GABRB2: variants seen among roughly 807,000 people sequenced by gnomAD.
GABRB2 encodes gamma-aminobutyric acid receptor subunit beta-2.
Under a neutral mutation model 54.7 loss-of-function variants are expected in GABRB2, and 16 were observed. The ratio of observed to expected loss-of-function variants is 0.29; its 90% CI spans 0.20 to 0.44. The LOEUF (loss-of-function observed/expected upper bound fraction) is 0.44, where lower values mean the gene tolerates loss of function less well. Ranked by LOEUF, GABRB2 falls within the 20% of genes least tolerant of loss-of-function variation. The pLI is 1.00. For missense variants in GABRB2, 355 were observed against 644.0 expected (o/e 0.55, Z 4.86); for synonymous variants, 244 against 233.8 (o/e 1.04, Z -0.40).
At chr5:161,375,127 G>A (rs547240767) in intron 5 of GABRB2, among the ~76,000 whole-genome samples, 15 of 152,194 alleles carry the variant, frequency 9.9e-5, no homozygotes, top group African/African-American at 1.7e-4. Context: ...AGTCCTAGTC[G>A]TCTTCCAGGG....
chr5:161,336,491 T>TGTTGTTCTA, intron 6 of GABRB2, 141 bp downstream of exon 6: 1 of 987,504 alleles, frequency 1.0e-6, no homozygotes, highest in Non-Finnish European at 1.5e-6. Flanking sequence ...ACAATAGACT[T>TGTTGTTCTA]CATGGGAAAC....
At position 161,321,452 on chromosome 5, in the gene GABRB2, T is replaced by C. The variant is rs374382180; in HGVS notation, c.1191+4916A>G. Among the ~76,000 whole-genome samples, 39 of 152,254 alleles carry C rather than the reference T, an allele frequency of 2.6e-4. No individual in the cohort carries two copies. The East Asian group carries it at 6.9e-3, about 27-fold the overall frequency. On this transcript the variant is annotated intron_variant, in intron 9 of 9. Transcript: ENST00000393959. ...TGTATAGCTTTAGTTCTACGTGTTA[T>C]CTTTAGTTCTAAATGCCAGTACACT...
chr5:161,322,327 C>A (rs946680642), intron 9 of GABRB2, among the ~76,000 whole-genome samples: 1 of 152,116 alleles, frequency 6.6e-6, no homozygotes, highest in African/African-American at 2.4e-5. Flanking sequence ...CCTCCACCTT[C>A]GAGGCTCAAA....
intron 4 of GABRB2, among the ~76,000 whole-genome samples, chr5:161,416,371 G>A (rs533264313): frequency 1.3e-5 from 2 of 151,996 alleles, no homozygotes; most frequent in South Asian, 4.2e-4. Flanking sequence ...ACATAACTTG[G>A]GCCTTTCAGT....
chr5:161,422,536 T>C (rs1426169594), intron 4 of GABRB2, among the ~76,000 whole-genome samples: 1 of 152,176 alleles, frequency 6.6e-6, no homozygotes, highest in Admixed American at 6.5e-5. Flanking sequence ...TAAAAAGGTT[T>C]ATTAAGTGTA....
At chr5:161,416,613 C>T (rs1253480246) in intron 4 of GABRB2, among the ~76,000 whole-genome samples, 1 of 145,150 alleles carries the variant, frequency 6.9e-6, no homozygotes, top group Non-Finnish European at 1.5e-5. Flanking sequence ...AGGAGAATGG[C>T]GTGAACCCGG....
chr5:161,409,049 A>G (rs1292258541), intron 5 of GABRB2, among the ~76,000 whole-genome samples: 1 of 152,120 alleles, frequency 6.6e-6, no homozygotes, highest in Non-Finnish European at 1.5e-5. Flanking sequence ...TGATTTGTTA[A>G]CAGTCTAAAT....
chr5:161,313,816 AGGGACAGTCTT>A (rs914639018), intron 9 of GABRB2, among the ~76,000 whole-genome samples: 1 of 152,212 alleles, frequency 6.6e-6, no homozygotes, highest in African/African-American at 2.4e-5. Context: ...ATAGTGATTA[AGGGACAGTCTT>A]GGGGCTTGGA....
intron 5 of GABRB2, among the ~76,000 whole-genome samples, chr5:161,400,533 G>T (rs187534728): frequency 6.6e-6 from 1 of 152,094 alleles, no homozygotes; most frequent in Non-Finnish European, 1.5e-5. Flanking sequence ...TGAAGGCAGG[G>T]GGAAAATTAG....
At chr5:161,355,468 A>G (rs1754592609) in intron 5 of GABRB2, among the ~76,000 whole-genome samples, 1 of 151,542 alleles carries the variant, frequency 6.6e-6, no homozygotes, top group South Asian at 2.1e-4. Context: ...CTATACACAT[A>G]CATATATGTA....
At chr5:161,406,180 C>G (rs1432267805) in intron 5 of GABRB2, among the ~76,000 whole-genome samples, 1 of 152,084 alleles carries the variant, frequency 6.6e-6, no homozygotes, top group African/African-American at 2.4e-5. Flanking sequence ...ACTGTTCTTT[C>G]ACTTAATCCA....
chr5:161,459,649 C>T lies in GABRB2; in HGVS notation c.433G>A (p.Asp145Asn). 2 of 1,614,138 alleles carry T rather than the reference C, an allele frequency of 1.2e-6. No homozygotes were observed. Among genetic ancestry groups the T allele is most frequent in the Non-Finnish European group, 1.7e-6 (2 of 1,179,996 alleles). The stretch of plus-strand genomic sequence containing the variant: ...CTGAGTCCATAAAGGACGGTGCCAT[C>T]AGGATGCAGGCGAATCATGCGGTTC... ...VKNRMIRLHPDGTVLYGLRIT... is the reference protein window; with the variant it reads ...VKNRMIRLHPNGTVLYGLRIT... Residue 145 changes from aspartate to asparagine, a missense_variant, in exon 4 of 10, where the codon GAT becomes AAT. By Grantham distance (23) the Asp-to-Asn change is conservative. Transcript: ENST00000393959.
At chr5:161,486,137 A>G (rs1375181272) in intron 3 of GABRB2, among the ~76,000 whole-genome samples, 1 of 151,960 alleles carries the variant, frequency 6.6e-6, no homozygotes, top group Non-Finnish European at 1.5e-5. Flanking sequence ...TTGAATGTAT[A>G]CTTATGGTTA....
chr5:161,416,677 G>GCAGAGC (rs1390833296), intron 4 of GABRB2, among the ~76,000 whole-genome samples: 1 of 47,274 alleles, frequency 2.1e-5, no homozygotes, highest in Admixed American at 3.2e-4. Context: ...AGCCTGGGCG[G>GCAGAGC]CAGAGCCAGA....
intron 3 of GABRB2, among the ~76,000 whole-genome samples, chr5:161,464,471 C>A (rs1758218081): frequency 6.6e-6 from 1 of 152,160 alleles, no homozygotes; most frequent in East Asian, 1.9e-4. Flanking sequence ...AGAAGGTACA[C>A]CCAAAGTCTC....
chr5:161,434,219 T>C (rs1757250549), intron 4 of GABRB2, among the ~76,000 whole-genome samples: 1 of 152,204 alleles, frequency 6.6e-6, no homozygotes. Context: ...TATTATTCTA[T>C]CAACTGACAC....
At chr5:161,389,609 C>T (rs889682165) in intron 5 of GABRB2, among the ~76,000 whole-genome samples, 3 of 147,482 alleles carry the variant, frequency 2.0e-5, no homozygotes, top group Non-Finnish European at 4.5e-5. Context: ...TAAAGAGAGA[C>T]AGAAACAGAG....
At chr5:161,408,139 C>A (rs1182750752) in intron 5 of GABRB2, among the ~76,000 whole-genome samples, 1 of 151,974 alleles carries the variant, frequency 6.6e-6, no homozygotes, top group Non-Finnish European at 1.5e-5. Context: ...ATCCAAAAAT[C>A]TGAAATATGA....
intron 5 of GABRB2, among the ~76,000 whole-genome samples, chr5:161,354,589 C>A (rs907933286): frequency 6.6e-6 from 1 of 151,908 alleles, no homozygotes; most frequent in Non-Finnish European, 1.5e-5. Context: ...GATATAGATG[C>A]CTAATTGGTT....
Sources: gnomAD v4.1 joint callset for allele counts (sites outside exome capture counted in the v4.1 genomes callset) on GRCh38, gnomAD v4.1.1 for gene constraint, MANE v1.5 for transcripts, NCBI Gene and HGNC (gene_info 2026-07-23, HGNC 2026-07-21) for gene names.